Variants in RDX observed in about 807,000 individuals in gnomAD.
RDX encodes the protein radixin, also known as deafness, autosomal recessive 24.
In RDX, 32 loss-of-function variants were observed where a neutral mutation model predicts 83.7. The ratio of observed to expected loss-of-function variants is 0.38; its 90% CI spans 0.29 to 0.51. The LOEUF is 0.51. Ranked by LOEUF, RDX falls within the 20% of genes least tolerant of loss-of-function variation. The probability of loss-of-function intolerance (pLI) is 0.87; values close to 1 mark genes in which losing one functional copy is unlikely to be tolerated. For synonymous variants in RDX, 229 were observed against 222.7 expected (o/e 1.03, Z -0.25); for missense variants, 600 against 689.9 (o/e 0.87, Z 1.46).
intron 14 of RDX, among the ~76,000 whole-genome samples, chr11:110,209,554 GA>G (rs1863747128): frequency 6.6e-6 from 1 of 152,132 alleles, no homozygotes; most frequent in African/African-American, 2.4e-5. Context: ...CAAACAAAAA[GA>G]CAGCAGTAAC....
intron 1 of RDX, among the ~76,000 whole-genome samples, chr11:110,281,651 C>T (rs1860766110): frequency 6.6e-6 from 1 of 152,080 alleles, no homozygotes; most frequent in African/African-American, 2.4e-5. Context: ...ATAAACCCCT[C>T]ATTTCTTAAT....
At chr11:110,212,157 C>T (rs1361309715) in intron 14 of RDX, among the ~76,000 whole-genome samples, 1 of 149,826 alleles carries the variant, frequency 6.7e-6, no homozygotes, top group Non-Finnish European at 1.5e-5. Context: ...GGGGATATCA[C>T]CACCGATCCC....
chr11:110,240,095 A>T (rs1373235224), intron 10 of RDX, among the ~76,000 whole-genome samples: 2 of 152,252 alleles, frequency 1.3e-5, no homozygotes, highest in African/African-American at 4.8e-5. Context: ...TATTGGAGAT[A>T]GTTGTACTCC....
At chr11:110,238,131 T>C (rs1233252267) in intron 10 of RDX, among the ~76,000 whole-genome samples, 1 of 152,228 alleles carries the variant, frequency 6.6e-6, no homozygotes, top group African/African-American at 2.4e-5. Flanking sequence ...GTTTTACTTA[T>C]CTAAACTAAT....
intron 3 of RDX, among the ~76,000 whole-genome samples, chr11:110,267,990 G>A (rs1185606647): frequency 6.6e-6 from 1 of 151,764 alleles, no homozygotes; most frequent in Non-Finnish European, 1.5e-5. Flanking sequence ...TAAGAAAAAA[G>A]CATTTAGAAA....
chr11:110,182,881 A>T (rs1235912642), intron 15 of RDX, among the ~76,000 whole-genome samples: 1 of 152,218 alleles, frequency 6.6e-6, no homozygotes, highest in Non-Finnish European at 1.5e-5. Flanking sequence ...TTGGGGAGGA[A>T]CAAAATAAAA....
chr11:110,243,974 A>C (rs1475442651), intron 10 of RDX, among the ~76,000 whole-genome samples: 1 of 152,178 alleles, frequency 6.6e-6, no homozygotes, highest in East Asian at 1.9e-4. Flanking sequence ...AAATACAGTT[A>C]CCACATGACC....
chr11:110,225,598 C>T (rs894555229), downstream of RDX, among the ~76,000 whole-genome samples: 2 of 152,058 alleles, frequency 1.3e-5, no homozygotes, highest in African/African-American at 4.8e-5. Context: ...TGGCTATCAT[C>T]GAAATCAAGC....
chr11:110,193,800 C>T (rs1290827386), intron 15 of RDX, among the ~76,000 whole-genome samples: 3 of 152,216 alleles, frequency 2.0e-5, no homozygotes, highest in Non-Finnish European at 2.9e-5. Flanking sequence ...GGTTTTAACA[C>T]CCACAGGCTG....
intron 14 of RDX, among the ~76,000 whole-genome samples, chr11:110,200,109 C>T (rs955695175): frequency 2.6e-5 from 4 of 152,068 alleles, no homozygotes; most frequent in Admixed American, 6.5e-5. Context: ...TTTGATTAAC[C>T]GAGGCATTGT....
rs115810000 is a variant in RDX, at chr11:110,194,621, T to C, written c.*31+4960A>G. Among the ~76,000 whole-genome samples, 1,431 of 152,334 alleles carry C rather than the reference T, an allele frequency of 9.4e-3. 29 individuals are homozygous for C. Among genetic ancestry groups the C allele is most frequent in the African/African-American group, 0.033 (1,361 of 41,566 alleles). Reference sequence around the variant, plus strand: ...CAAGGAGAGGACTGAGAAACCATAATTTGATAAGAAACCACAACTATGTGG... The same window carrying C: ...CAAGGAGAGGACTGAGAAACCATAACTTGATAAGAAACCACAACTATGTGG... On this transcript the variant is annotated intron_variant, in intron 15 of 15. Coordinates refer to the RDX transcript ENST00000528498.
chr11:110,262,654 C>T (rs773577042), intron 5 of RDX, among the ~76,000 whole-genome samples: 1 of 151,950 alleles, frequency 6.6e-6, no homozygotes. Context: ...ATCAATACTA[C>T]TAAATAACAC....
intron 14 of RDX, chr11:110,199,697 A>G (rs777061699): frequency 2.8e-6 from 2 of 702,930 alleles, no homozygotes; most frequent in African/African-American, 1.7e-5. Context: ...AGAGACATTA[A>G]GAGATTAGAA....
At chr11:110,239,656 T>A (rs1865001255) in intron 10 of RDX, among the ~76,000 whole-genome samples, 3 of 152,040 alleles carry the variant, frequency 2.0e-5, no homozygotes, top group Admixed American at 2.0e-4. Flanking sequence ...AAATGGCTTG[T>A]ATCAAAAAGA....
intron 12 of RDX, among the ~76,000 whole-genome samples, chr11:110,233,854 T>A (rs1864737119): frequency 6.6e-6 from 1 of 152,210 alleles, no homozygotes; most frequent in African/African-American, 2.4e-5. Context: ...TAGATTTTAT[T>A]TGAGCCACAA....
At chr11:110,264,651 T>C in intron 4 of RDX, 128 bp downstream of exon 4, 1 of 614,674 alleles carries the variant, frequency 1.6e-6, no homozygotes, top group Non-Finnish European at 2.8e-6. Context: ...AAAAACATGG[T>C]ACCTCATAAT....
At chr11:110,262,564 G>A (rs1859848382) in intron 5 of RDX, among the ~76,000 whole-genome samples, 2 of 150,794 alleles carry the variant, frequency 1.3e-5, no homozygotes, top group African/African-American at 4.9e-5. Context: ...CTCCAGCCTG[G>A]GCAACAGAGC....
chr11:110,271,213 T>G (rs1410349425), intron 3 of RDX, among the ~76,000 whole-genome samples: 1 of 152,232 alleles, frequency 6.6e-6, no homozygotes, highest in African/African-American at 2.4e-5. Flanking sequence ...TAAACAACTT[T>G]AGAGAATTTA....
rs938227318 is a variant in RDX, at chr11:110,191,648, G to A, written c.*31+7933C>T. On this transcript the variant is annotated intron_variant, in intron 15 of 15. Coordinates refer to the RDX transcript ENST00000528498. The stretch of plus-strand genomic sequence containing the variant: ...AGGCAGGTAAATCACCTGAGGTCAT[G>A]AGTTCAAGACCAGTCTGGCCAACAT... Among the ~76,000 whole-genome samples, 3 of 152,236 alleles carry A rather than the reference G, an allele frequency of 2.0e-5. No individual in the cohort carries two copies. In the South Asian group the frequency reaches 6.2e-4, roughly 31 times the overall value.
Sources: gnomAD v4.1 joint callset for allele counts (sites outside exome capture counted in the v4.1 genomes callset) on GRCh38, gnomAD v4.1.1 for gene constraint, MANE v1.5 for transcripts, NCBI Gene and HGNC (gene_info 2026-07-23, HGNC 2026-07-21) for gene names.